The following PDE8B variants were observed in gnomAD, a reference collection of about 807,000 sequenced individuals.
PDE8B encodes phosphodiesterase 8B.
In PDE8B, 26 loss-of-function variants were observed where a neutral mutation model predicts 101.3. That is an observed-to-expected ratio of 0.26 (90% CI 0.19 to 0.36). The LOEUF (loss-of-function observed/expected upper bound fraction) is 0.36, where lower values mean the gene tolerates loss of function less well. Among genes scored for constraint, PDE8B ranks in the 10% least tolerant of loss-of-function variants. The probability of loss-of-function intolerance (pLI) is 1.00; values close to 1 mark genes in which losing one functional copy is unlikely to be tolerated. For missense variants in PDE8B, 810 were observed against 1,163.1 expected (o/e 0.70, Z 4.42); for synonymous variants, 424 against 429.3 (o/e 0.99, Z 0.15).
At chr5:77,346,761 C>T (rs1241910073) in intron 7 of PDE8B, among the ~76,000 whole-genome samples, 3 of 152,076 alleles carry the variant, frequency 2.0e-5, no homozygotes, top group African/African-American at 4.8e-5. Context: ...TTTTCATCCT[C>T]CTTTAGAAAA....
At chr5:77,099,580 G>A in the PDE8B span, among the ~76,000 whole-genome samples, 1 of 151,898 alleles carries the variant, frequency 6.6e-6, no homozygotes, top group African/African-American at 2.4e-5. Flanking sequence ...ACTCTAGGGA[G>A]TAGTGCTCCC....
the PDE8B span, among the ~76,000 whole-genome samples, chr5:77,202,842 C>T: frequency 5.3e-5 from 8 of 152,174 alleles, no homozygotes; most frequent in East Asian, 1.9e-4. Context: ...TCAAGTGATC[C>T]GCCCACCTTG....
At chr5:77,412,451 G>A (rs1794751099) in intron 16 of PDE8B, among the ~76,000 whole-genome samples, 1 of 152,032 alleles carries the variant, frequency 6.6e-6, no homozygotes, top group African/African-American at 2.4e-5. Flanking sequence ...GATCTGCCTG[G>A]GTATCCACAG....
chr5:77,109,542 G>A, the PDE8B span, among the ~76,000 whole-genome samples: 1 of 152,214 alleles, frequency 6.6e-6, no homozygotes, highest in Non-Finnish European at 1.5e-5. Flanking sequence ...GACTGCAGTG[G>A]TGGCTAACCA....
the PDE8B span, among the ~76,000 whole-genome samples, chr5:77,108,108 G>T: frequency 6.6e-6 from 1 of 152,192 alleles, no homozygotes; most frequent in African/African-American, 2.4e-5. Context: ...CACTGGGATT[G>T]CAAAGATGAA....
intron 1 of PDE8B, among the ~76,000 whole-genome samples, chr5:77,213,028 A>G (rs1748840292): frequency 6.6e-6 from 1 of 152,208 alleles, no homozygotes; most frequent in Non-Finnish European, 1.5e-5. Flanking sequence ...ATGTTTGTTC[A>G]GTAGAAGAAA....
At chr5:77,281,214 A>T (rs1373774077) in intron 1 of PDE8B, among the ~76,000 whole-genome samples, 3 of 152,048 alleles carry the variant, frequency 2.0e-5, no homozygotes, top group African/African-American at 4.8e-5. Context: ...CCTGAACCTA[A>T]CTGGTTTAGT....
At chr5:77,176,756 T>C in the PDE8B span, among the ~76,000 whole-genome samples, 1 of 151,722 alleles carries the variant, frequency 6.6e-6, no homozygotes, top group African/African-American at 2.4e-5. Context: ...ATTTGGAGAG[T>C]TGTTAGTAGC....
chr5:77,353,426 C>G lies in PDE8B; in HGVS notation c.1167+20C>G. ...AAGCAGGTATGGTATTAGCTCACTTCGTTTGCTCTGTCTGTTTGGCCATGC... is the reference window on the plus strand; with the variant it reads ...AAGCAGGTATGGTATTAGCTCACTTGGTTTGCTCTGTCTGTTTGGCCATGC... On this transcript the variant is annotated intron_variant, in intron 10 of 21. Transcript: ENST00000264917. The G allele has an allele frequency of 6.7e-7, 1 of 1,492,470 alleles. No homozygotes were observed. Among genetic ancestry groups the G allele is most frequent in the Non-Finnish European group, 9.4e-7 (1 of 1,068,966 alleles). 92.5% of individuals were successfully genotyped at this position (1,492,470 alleles called of 1,614,324 possible). A position where few individuals can be genotyped will look rare whatever the true frequency, so the allele number is the denominator to read the frequency against.
chr5:77,157,649 C>G, the PDE8B span, among the ~76,000 whole-genome samples: 4 of 152,202 alleles, frequency 2.6e-5, no homozygotes, highest in Non-Finnish European at 5.9e-5. Flanking sequence ...GAGAAAATAT[C>G]TTATTTTCCT....
chr5:77,416,160 T>C (rs1039594391), intron 17 of PDE8B, among the ~76,000 whole-genome samples: 1 of 152,186 alleles, frequency 6.6e-6, no homozygotes, highest in Non-Finnish European at 1.5e-5. Context: ...GCAGGACCCA[T>C]TATTGGTATC....
At chr5:77,331,928 A>G (rs1359113282) in intron 5 of PDE8B, among the ~76,000 whole-genome samples, 1 of 152,214 alleles carries the variant, frequency 6.6e-6, no homozygotes, top group Non-Finnish European at 1.5e-5. Flanking sequence ...GAAACCATTA[A>G]CATCAGCAAA....
At chr5:77,345,835 T>A (rs1165950333) in intron 7 of PDE8B, among the ~76,000 whole-genome samples, 1 of 152,164 alleles carries the variant, frequency 6.6e-6, no homozygotes, top group African/African-American at 2.4e-5. Context: ...CCAAAGACAG[T>A]GGGCAACACA....
chr5:77,167,837 C>T, the PDE8B span, among the ~76,000 whole-genome samples: 2,014 of 152,182 alleles, frequency 0.013, 45 homozygotes, highest in African/African-American at 0.044. Flanking sequence ...CCTGCGGGAC[C>T]GTGTGCCCAG....
Position 77,386,865 on chromosome 5 carries a change from CTTTTTTTTTTTTTTTTT to C in PDE8B, c.1168-13370_1168-13354del, listed in dbSNP as rs59393259. On this transcript the variant is annotated intron_variant, in intron 10 of 21. Coordinates refer to ENST00000264917, the MANE Select transcript of PDE8B (RefSeq NM_003719.5). ...TTTTGCCTGTTAGTTGATGTAGTTT[CTTTTTTTTTTTTTTTTT>C]TTTTTTTTTTTTGAGACGGAGTCTC... 1.4e-4 allele frequency among the ~76,000 whole-genome samples: 7 copies of C among 51,062 alleles called. No individual in the cohort carries two copies. The Admixed American group carries it at 1.7e-3, about 13-fold the overall frequency. 33.5% of individuals were successfully genotyped at this position (51,062 alleles called of 152,430 possible). A position where few individuals can be genotyped will look rare whatever the true frequency, so the allele number is the denominator to read the frequency against.
In PDE8B at chr5:77,325,634, A is replaced by G; in HGVS notation, c.495A>G (p.Pro165=). Residue 165 remains proline (P), a synonymous_variant, in exon 3 of 22, where the codon CCA becomes CCG. Transcript: ENST00000264917. The part of the protein sequence containing the change: ...AGYRCNIART[P]ESALECFLDK... ...ATAGATGCAATATTGCTCGGACTCC[A>G]GAGTCAGCCCTTGAATGCTTTCTTG... is the stretch of plus-strand genomic sequence containing the variant. The G allele has an allele frequency of 6.2e-7, 1 of 1,613,636 alleles. No homozygotes were observed. Among genetic ancestry groups the G allele is most frequent in the Non-Finnish European group, 8.5e-7 (1 of 1,179,518 alleles).
At chr5:77,159,003 G>C in the PDE8B span, among the ~76,000 whole-genome samples, 1 of 152,156 alleles carries the variant, frequency 6.6e-6, no homozygotes, top group Admixed American at 6.5e-5. Flanking sequence ...TGCCCTCTGT[G>C]GTAACATCTC....
intron 3 of PDE8B, among the ~76,000 whole-genome samples, chr5:77,327,122 T>C (rs978961165): frequency 3.9e-5 from 6 of 152,324 alleles, no homozygotes; most frequent in Middle Eastern, 3.4e-3. Flanking sequence ...AGATTCCAAA[T>C]GCTTGACTCC....
At chr5:77,416,609 G>T (rs1405084456) in intron 17 of PDE8B, among the ~76,000 whole-genome samples, 3 of 152,184 alleles carry the variant, frequency 2.0e-5, no homozygotes, top group Non-Finnish European at 4.4e-5. Flanking sequence ...TGTTGATTGG[G>T]GTCACCCCAG....
Sources: gnomAD v4.1 joint callset for allele counts (sites outside exome capture counted in the v4.1 genomes callset) on GRCh38, gnomAD v4.1.1 for gene constraint, MANE v1.5 for transcripts, NCBI Gene and HGNC (gene_info 2026-07-23, HGNC 2026-07-21) for gene names.